PCDHGA2: variants seen among roughly 807,000 people sequenced by gnomAD.
PCDHGA2 encodes protocadherin gamma subfamily A, 2.
PCDHGA2 carries 40 observed loss-of-function variants against 59.2 expected under a neutral mutation model. The ratio of observed to expected loss-of-function variants is 0.68; its 90% CI spans 0.52 to 0.88. The LOEUF is 0.88. PCDHGA2 is among the 40% of genes least tolerant of loss of function. The pLI is 0.00. For synonymous variants in PCDHGA2, 560 were observed against 526.0 expected (o/e 1.06, Z -0.89); for missense variants, 1,226 against 1,204.0 (o/e 1.02, Z -0.27).
rs564439931 is a variant in PCDHGA2 at position 141,490,480 on chromosome 5, C to T, written c.2425-4327C>T. On this transcript the variant is annotated intron_variant, in intron 1 of 3. Coordinates refer to ENST00000394576, the MANE Select transcript of PCDHGA2 (RefSeq NM_018915.4). The surrounding 1 kb of genome is among the most constrained non-coding windows in gnomAD (Gnocchi z 5.4). ...GCTGCTAACCAGCCAGCCTTTGGAC[C>T]GGGAGGCCACATCCCACTATATCAT... The T allele has an allele frequency of 3.5e-5, 56 of 1,614,194 alleles. No individual in the cohort carries two copies. Among genetic ancestry groups the T allele is most frequent in the Admixed American group, 1.5e-4 (9 of 60,022 alleles).
Position 141,438,021 on chromosome 5 carries a change from G to T in PCDHGA2, c.2425-56786G>T, listed in dbSNP as rs112167613. ...CTCCCAAATAGCTGAGATTACAGGT[G>T]TGAGCCACCATGCCCGACCACTTTG... On this transcript the variant is annotated intron_variant, in intron 1 of 3. Transcript: ENST00000394576. Among the ~76,000 whole-genome samples the T allele has an allele frequency of 1.6e-3, 250 of 152,256 alleles. 2 individuals are homozygous for T. Among genetic ancestry groups the T allele is most frequent in the African/African-American group, 5.3e-3 (221 of 41,544 alleles).
At chr5:141,422,111 T>A (rs763658255) in intron 1 of PCDHGA2, 1 of 1,606,408 alleles carries the variant, frequency 6.2e-7, no homozygotes, top group Admixed American at 1.7e-5. Context: ...ATATTCCAAT[T>A]GGATTCACAA....
At chr5:141,470,165 G>C (rs559578238) in intron 1 of PCDHGA2, among the ~76,000 whole-genome samples, 1 of 152,276 alleles carries the variant, frequency 6.6e-6, no homozygotes, top group Non-Finnish European at 1.5e-5. Context: ...TCAAATCAAA[G>C]TATGCAAAAT....
chr5:141,362,699 T>C, intron 1 of PCDHGA2: 2 of 1,033,006 alleles, frequency 1.9e-6, no homozygotes, highest in Non-Finnish European at 2.7e-6. Flanking sequence ...TCTAACTGAA[T>C]TTTAAGTGTT....
chr5:141,504,790 CT>C (rs1204741124), intron 2 of PCDHGA2, among the ~76,000 whole-genome samples: 15 of 152,080 alleles, frequency 9.9e-5, no homozygotes, highest in Admixed American at 3.9e-4. Context: ...TTGGGGCCTC[CT>C]ACATCTCCCC....
intron 1 of PCDHGA2, among the ~76,000 whole-genome samples, chr5:141,492,336 A>G (rs1353947767): frequency 1.3e-5 from 2 of 152,072 alleles, no homozygotes; most frequent in East Asian, 3.9e-4. Context: ...TTACGCGAAT[A>G]CCAGCTTTCA....
At chr5:141,435,271 T>C (rs1242477213) in intron 1 of PCDHGA2, among the ~76,000 whole-genome samples, 1 of 152,216 alleles carries the variant, frequency 6.6e-6, no homozygotes, top group African/African-American at 2.4e-5. Context: ...CCATTTATAC[T>C]TTCTCAGTAT....
chr5:141,362,106 G>C (rs73265834), intron 1 of PCDHGA2: 130,724 of 1,570,082 alleles, frequency 0.083, 8,914 homozygotes, highest in African/African-American at 0.28. Flanking sequence ...TCTCCGCTAC[G>C]GCCACGCTGC....
intron 1 of PCDHGA2, chr5:141,365,824 G>C (rs745398679): frequency 2.5e-6 from 4 of 1,613,926 alleles, no homozygotes; most frequent in Non-Finnish European, 3.4e-6. Context: ...CATTTCAGGG[G>C]GCGCCCTTGT....
rs748393868 is a variant in PCDHGA2 at position 141,339,994 on chromosome 5, T to C, written c.1023T>C (p.Asn341=). The C allele has an allele frequency of 6.8e-6, 11 of 1,613,982 alleles. No individual in the cohort carries two copies. The highest frequency in any genetic ancestry group is 8.5e-6 in the Non-Finnish European group (10 of 1,180,014). The change falls in exon 1 of 4, where the codon AAT becomes AAC. Residue 341 remains asparagine (N), a synonymous_variant. Transcript: ENST00000394576. The part of the protein sequence containing the change: ...AKVIVTVLDV[N]DNAPEFYMTS... ...TTATCGTCACGGTTCTGGATGTGAA[T>C]GACAATGCCCCAGAATTTTACATGA...
At chr5:141,344,299 G>C in intron 1 of PCDHGA2, 1 of 1,614,080 alleles carries the variant, frequency 6.2e-7, no homozygotes, top group Non-Finnish European at 8.5e-7. Context: ...ACCGCGGAGA[G>C]GATAGACCGG....
rs774079222 is a variant in PCDHGA2 at position 141,491,314 on chromosome 5, C to T, written c.2425-3493C>T. On this transcript the variant is annotated intron_variant, in intron 1 of 3. Coordinates refer to ENST00000394576, the MANE Select transcript of PCDHGA2 (RefSeq NM_018915.4). This position sits in a 1 kb window ranked among gnomAD's most constrained non-coding sequence, Gnocchi z 6.9. ...CCCTCCTGAGCGTTCAGACCTTACC[C>T]TTTACCTCATTGTGGCTCTAGCGAC... The T allele has an allele frequency of 1.9e-6, 3 of 1,614,182 alleles. No individual in the cohort carries two copies. In the South Asian group the frequency reaches 3.3e-5, roughly 18 times the overall value.
At chr5:141,347,785 T>C (rs1758017990) in intron 1 of PCDHGA2, among the ~76,000 whole-genome samples, 1 of 142,826 alleles carries the variant, frequency 7.0e-6, no homozygotes, top group South Asian at 2.2e-4. Flanking sequence ...AGACTCCATC[T>C]CAAAAAAAAA....
At chr5:141,364,290 G>A (rs745684468) in intron 1 of PCDHGA2, 1 of 1,518,718 alleles carries the variant, frequency 6.6e-7, no homozygotes, top group East Asian at 2.3e-5. Flanking sequence ...GAAACAGCAG[G>A]CTGAACCAGA....
At chr5:141,399,658 T>C (rs766038311) in intron 1 of PCDHGA2, 2 of 1,613,690 alleles carry the variant, frequency 1.2e-6, no homozygotes, top group South Asian at 2.2e-5. Flanking sequence ...TGGGGTGGTG[T>C]TCGCGCAGCG....
intron 1 of PCDHGA2, chr5:141,351,133 T>A (rs1758653044): frequency 6.2e-7 from 1 of 1,613,884 alleles, no homozygotes; most frequent in Non-Finnish European, 8.5e-7. Context: ...TCAATCTCAA[T>A]CCAAATACTG....
At position 141,431,754 on chromosome 5, in the gene PCDHGA2, A is replaced by C; in HGVS notation, c.2425-63053A>C. ...AATGCAGGATATTCTGCGCGAGCCA[A>C]AGTCCTGATCACTGTTCTGGACGTG... On this transcript the variant is annotated intron_variant, in intron 1 of 3. Transcript: ENST00000394576. The surrounding 1 kb of genome is among the most constrained non-coding windows in gnomAD (Gnocchi z 4.8). The C allele has an allele frequency of 6.2e-7, 1 of 1,614,208 alleles. No individual in the cohort carries two copies. Among genetic ancestry groups the C allele is most frequent in the Middle Eastern group, 1.6e-4 (1 of 6,062 alleles).
intron 1 of PCDHGA2, chr5:141,419,413 C>A (rs568417008): frequency 6.2e-7 from 1 of 1,613,444 alleles, no homozygotes; most frequent in South Asian, 1.1e-5. Flanking sequence ...TCGCGCAGCG[C>A]GCCTTCGACC....
chr5:141,460,938 A>G (rs532872249), intron 1 of PCDHGA2, among the ~76,000 whole-genome samples: 38 of 149,918 alleles, frequency 2.5e-4, no homozygotes, highest in African/African-American at 9.1e-4. Context: ...GTGTGTGTAT[A>G]TATATGTATT....
Sources: allele counts gnomAD v4.1 joint callset (sites outside exome capture counted in the v4.1 genomes callset), GRCh38; gene constraint gnomAD v4.1.1; non-coding constraint Gnocchi (gnomAD v3.1); transcripts MANE v1.5; gene names NCBI Gene and HGNC (gene_info 2026-07-23, HGNC 2026-07-21).